PCDHA5: variants seen among roughly 807,000 people sequenced by gnomAD.
The protein encoded by PCDHA5 is protocadherin alpha-5.
PCDHA5 carries 43 observed loss-of-function variants against 61.6 expected under a neutral mutation model. The ratio of observed to expected loss-of-function variants is 0.70; its 90% CI spans 0.55 to 0.90. The LOEUF is 0.90. Among genes scored for constraint, PCDHA5 ranks in the 40% least tolerant of loss-of-function variants. PCDHA5 has a pLI of 0.00. For synonymous variants in PCDHA5, 627 were observed against 543.9 expected (o/e 1.15, Z -2.13); for missense variants, 1,298 against 1,222.7 (o/e 1.06, Z -0.92).
chr5:140,852,781 G>C lies in PCDHA5; in HGVS notation c.2352+28654G>C, dbSNP rs1213399832. 14 of 979,508 alleles carry C rather than the reference G, an allele frequency of 1.4e-5. 1 individual carries two copies. The highest frequency in any genetic ancestry group is 6.3e-5 in the Admixed American group (1 of 15,846). 60.7% of individuals were successfully genotyped at this position (979,508 alleles called of 1,614,324 possible). ...GGTATCTGATTATTTGATGTGAATA[G>C]AGGGATGCTACAGATGTCATTTGTC... On this transcript the variant is annotated intron_variant, in intron 1 of 3. Coordinates refer to ENST00000529859, the MANE Select transcript of PCDHA5 (RefSeq NM_018908.3).
At chr5:140,889,949 A>C (rs1444545834) in intron 1 of PCDHA5, among the ~76,000 whole-genome samples, 1 of 152,202 alleles carries the variant, frequency 6.6e-6, no homozygotes. Flanking sequence ...GAGAAGCCAA[A>C]TGGATAGAAA....
chr5:140,877,032 G>A (rs2056800154), intron 1 of PCDHA5: 1 of 1,612,266 alleles, frequency 6.2e-7, no homozygotes, highest in African/African-American at 1.3e-5. Flanking sequence ...TGTACGCGCT[G>A]CAGCCGCTAG....
At position 140,857,233 on chromosome 5, in the gene PCDHA5, G is replaced by A. The variant is rs1308790390; in HGVS notation, c.2352+33106G>A. The A allele has an allele frequency of 4.4e-6, 7 of 1,598,456 alleles. 1 individual carries two copies. Among genetic ancestry groups the A allele is most frequent in the Non-Finnish European group, 6.0e-6 (7 of 1,167,974 alleles). On this transcript the variant is annotated intron_variant, in intron 1 of 3. Coordinates refer to ENST00000529859, the MANE Select transcript of PCDHA5 (RefSeq NM_018908.3). Reference sequence around the variant, plus strand: ...CTCTGACGCCTCACGTTCCGTTCAAGCTGGTGTCCACCTACAAGAATTACT... The same window carrying A: ...CTCTGACGCCTCACGTTCCGTTCAAACTGGTGTCCACCTACAAGAATTACT...
rs2150205014 is a variant in PCDHA5, at chr5:140,832,896, C to G, written c.2352+8769C>G. Among the ~76,000 whole-genome samples, 13 of 152,128 alleles carry G rather than the reference C, an allele frequency of 8.5e-5. 1 individual carries two copies. In the South Asian group the frequency reaches 2.7e-3, roughly 32 times the overall value. On this transcript the variant is annotated intron_variant, in intron 1 of 3. Coordinates refer to ENST00000529859, the MANE Select transcript of PCDHA5 (RefSeq NM_018908.3). ...GGTTATAAAATGGAAAGAGTTTTCCCTGGGAGAATATGGAGACTAACAGGT... is the reference window on the plus strand; with the variant it reads ...GGTTATAAAATGGAAAGAGTTTTCCGTGGGAGAATATGGAGACTAACAGGT...
At chr5:140,999,215 C>T (rs1290752092) in intron 3 of PCDHA5, among the ~76,000 whole-genome samples, 1 of 152,140 alleles carries the variant, frequency 6.6e-6, no homozygotes, top group South Asian at 2.1e-4. Context: ...TCTGGAAGTA[C>T]TACATTTGAG....
chr5:140,857,575 G>A (rs781888670), intron 1 of PCDHA5: 4 of 1,596,658 alleles, frequency 2.5e-6, no homozygotes, highest in East Asian at 4.5e-5. Context: ...ACGTGTCGGT[G>A]CACGCGGAGA....
In PCDHA5 at chr5:140,827,543, G is replaced by A. The variant is rs2150148140; in HGVS notation, c.2352+3416G>A. The stretch of plus-strand genomic sequence containing the variant: ...TTCAACCAAAATTTGATAATTTTAA[G>A]TTACATTTTTTCCCTAGAGCACTAT... On this transcript the variant is annotated intron_variant, in intron 1 of 3. Coordinates refer to ENST00000529859, the MANE Select transcript of PCDHA5 (RefSeq NM_018908.3). 6.6e-5 allele frequency among the ~76,000 whole-genome samples: 9 copies of A among 136,154 alleles called. No homozygotes were observed. The South Asian group carries it at 1.9e-3, about 28-fold the overall frequency. The allele number at this position is 136,154 out of a possible 152,430, so 89.3% of individuals were successfully genotyped here.
chr5:140,829,411 C>T, intron 1 of PCDHA5: 1 of 1,614,148 alleles, frequency 6.2e-7, no homozygotes. Flanking sequence ...CCACCGCCAG[C>T]TTGTCTGTGG....
chr5:141,002,157 GGGC>G (rs797024683), intron 3 of PCDHA5, among the ~76,000 whole-genome samples: 4 of 152,372 alleles, frequency 2.6e-5, no homozygotes, highest in African/African-American at 9.6e-5. Flanking sequence ...TTAGCAGAGT[GGGC>G]GGTAGGCAGG....
intron 1 of PCDHA5, among the ~76,000 whole-genome samples, chr5:140,901,280 T>G (rs1554189719): frequency 1.3e-5 from 2 of 152,132 alleles, no homozygotes. Context: ...CTCAAGAAAT[T>G]TTTGCCCAGA....
chr5:140,928,132 C>T (rs1563101702), intron 1 of PCDHA5: 1 of 1,614,100 alleles, frequency 6.2e-7, no homozygotes, highest in Non-Finnish European at 8.5e-7. Flanking sequence ...ATACCAAGTC[C>T]TGATCACGGC....
chr5:140,962,329 T>A (rs1341757607), intron 1 of PCDHA5, among the ~76,000 whole-genome samples: 1 of 152,250 alleles, frequency 6.6e-6, no homozygotes, highest in Non-Finnish European at 1.5e-5. Context: ...TTGAGAATAC[T>A]GATAAAGAAG....
chr5:140,995,606 C>G (rs532220927), intron 3 of PCDHA5, among the ~76,000 whole-genome samples: 30 of 152,102 alleles, frequency 2.0e-4, no homozygotes, highest in Non-Finnish European at 3.7e-4. Context: ...TTTTTCTTCT[C>G]CCAAACCAAA....
At chr5:140,926,620 C>G in intron 1 of PCDHA5, 1 of 385,534 alleles carries the variant, frequency 2.6e-6, no homozygotes, top group Admixed American at 4.4e-5. Context: ...CACCCCTAGG[C>G]GGCGCTGCGC....
intron 1 of PCDHA5, chr5:140,870,259 T>G: frequency 6.2e-7 from 1 of 1,614,190 alleles, no homozygotes; most frequent in African/African-American, 1.3e-5. Flanking sequence ...ACAGGTGACC[T>G]GCTCGCTGAC....
chr5:140,968,758 T>C, intron 1 of PCDHA5: 1 of 1,614,150 alleles, frequency 6.2e-7, no homozygotes, highest in South Asian at 1.1e-5. Flanking sequence ...TGGTCCGAGA[T>C]AATGGAGAGC....
At chr5:140,870,657 G>T (rs782619046) in intron 1 of PCDHA5, 1 of 1,612,514 alleles carries the variant, frequency 6.2e-7, no homozygotes, top group Non-Finnish European at 8.5e-7. Context: ...AGGTGTACGC[G>T]CTGCAGCCGT....
intron 1 of PCDHA5, among the ~76,000 whole-genome samples, chr5:140,880,631 A>T (rs1048791670): frequency 6.6e-6 from 1 of 152,206 alleles, no homozygotes; most frequent in Non-Finnish European, 1.5e-5. Context: ...GTTAATTATC[A>T]ATTCACTTGA....
At chr5:140,990,007 C>T (rs1188956345) in intron 3 of PCDHA5, among the ~76,000 whole-genome samples, 2 of 151,870 alleles carry the variant, frequency 1.3e-5, no homozygotes, top group African/African-American at 2.4e-5. Flanking sequence ...TCTCCAAGGG[C>T]GTGGGCTAGG....
Sources: gnomAD v4.1 joint callset for allele counts (sites outside exome capture counted in the v4.1 genomes callset) on GRCh38, gnomAD v4.1.1 for gene constraint, MANE v1.5 for transcripts, NCBI Gene and HGNC (gene_info 2026-07-23, HGNC 2026-07-21) for gene names.